The following LTBP2 variants were observed in gnomAD, a reference collection of about 807,000 sequenced individuals.
The protein encoded by LTBP2 is latent transforming growth factor beta binding protein 2.
In LTBP2, 103 loss-of-function variants were observed where a neutral mutation model predicts 210.6. The observed-to-expected ratio is 0.49, with a 90% confidence interval of 0.42 to 0.58. The LOEUF is 0.58. LTBP2 is among the 20% of genes least tolerant of loss of function. The probability of loss-of-function intolerance (pLI) is 0.00; values close to 1 mark genes in which losing one functional copy is unlikely to be tolerated. For synonymous variants in LTBP2, 1,007 were observed against 1,015.0 expected, an observed-to-expected ratio of 0.99 and a Z score of 0.15; for missense variants, 2,313 against 2,494.5, an observed-to-expected ratio of 0.93 and a Z score of 1.55.
chr14:74,588,111 C>T (rs1232575384), intron 2 of LTBP2, among the ~76,000 whole-genome samples: 1 of 152,228 alleles, frequency 6.6e-6, no homozygotes, highest in Non-Finnish European at 1.5e-5. Flanking sequence ...GGACACCCAC[C>T]TCTCAGCAGC....
rs1262663455 is a variant in LTBP2, at chr14:74,585,275, T to G, written c.830+579A>C. 2.0e-5 allele frequency among the ~76,000 whole-genome samples: 3 copies of G among 152,192 alleles called. No individual in the cohort carries two copies. The East Asian group carries it at 5.8e-4, about 29-fold the overall frequency. ...GCTGGGTGCCGAGGAAACCGAAGGG[T>G]CTTCTTCTGGCAGAGGAGTCCTTCC... On this transcript the variant is annotated intron_variant, in intron 3 of 35. Transcript: ENST00000261978.
At chr14:74,543,054 A>C (rs2087529910) in intron 8 of LTBP2, among the ~76,000 whole-genome samples, 1 of 151,552 alleles carries the variant, frequency 6.6e-6, no homozygotes, top group Non-Finnish European at 1.5e-5. Flanking sequence ...GGCGTGAGCC[A>C]CCGCTCCTGG....
intron 3 of LTBP2, among the ~76,000 whole-genome samples, chr14:74,578,889 CTT>C (rs1200413270): frequency 6.6e-6 from 1 of 152,194 alleles, no homozygotes; most frequent in Non-Finnish European, 1.5e-5. Flanking sequence ...GAGTTTTGCT[CTT>C]GTTGCCCAGG....
chr14:74,604,034 A>G (rs2088486603), intron 1 of LTBP2, among the ~76,000 whole-genome samples: 1 of 152,082 alleles, frequency 6.6e-6, no homozygotes, highest in Admixed American at 6.5e-5. Context: ...CAGTGATCCT[A>G]AAGCTAATAA....
chr14:74,530,803 C>T (rs988325949), intron 10 of LTBP2, among the ~76,000 whole-genome samples: 5 of 152,354 alleles, frequency 3.3e-5, no homozygotes, highest in Admixed American at 2.6e-4. Flanking sequence ...GTGAGAGGCA[C>T]GGGGCCCAGC....
Position 74,555,618 on chromosome 14 carries a change from C to A in LTBP2, c.906G>T (p.Pro302=). The A allele has an allele frequency of 1.2e-6, 2 of 1,608,954 alleles. No homozygotes were observed. Among genetic ancestry groups the A allele is most frequent in the Admixed American group, 3.4e-5 (2 of 59,688 alleles). The change falls in exon 4 of 36, where the codon CCG becomes CCT. Residue 302 remains proline, a synonymous_variant. Coordinates refer to ENST00000261978, the MANE Select transcript of LTBP2 (RefSeq NM_000428.3). ...VGLSRTVRLH[P]TATASSQLSS... ...AGAGCTGGCTACTGGCCGTGGCAGTCGGGTGAAGTCGGACAGTGCGGGACA... is the reference window on the plus strand; with the variant it reads ...AGAGCTGGCTACTGGCCGTGGCAGTAGGGTGAAGTCGGACAGTGCGGGACA...
chr14:74,527,571 G>T (rs948844288), intron 12 of LTBP2, among the ~76,000 whole-genome samples: 6 of 152,226 alleles, frequency 3.9e-5, no homozygotes, highest in African/African-American at 1.4e-4. Context: ...AGAACCCCAG[G>T]TCTGGAGGGC....
chr14:74,598,773 G>A (rs1595300868), intron 2 of LTBP2, among the ~76,000 whole-genome samples: 1 of 152,234 alleles, frequency 6.6e-6, no homozygotes, highest in Middle Eastern at 3.4e-3. Flanking sequence ...TTAAACCCAG[G>A]CAGTCCAGCA....
Position 74,585,990 on chromosome 14 carries a change from A to T in LTBP2, c.694T>A (p.Ser232Thr). 1.2e-6 allele frequency: 2 copies of T among 1,612,092 alleles called. No homozygotes were observed. The highest frequency in any genetic ancestry group is 1.7e-6 in the Non-Finnish European group (2 of 1,179,256). ...GCCCAGCGTCGAGGTGCCAGCCTGG[A>T]GTTCTGGGGGTCAAATTCCTCATCG... ...IPDEEFDPQN[S>T]RLAPRRWAER... The change falls in exon 3 of 36, where the codon TCC (serine) becomes ACC (threonine). Residue 232 changes from serine to threonine, a missense_variant. Physicochemically the swap from Ser to Thr is moderately conservative, Grantham distance 58 (BLOSUM62 1). Coordinates refer to ENST00000261978, the MANE Select transcript of LTBP2 (RefSeq NM_000428.3).
chr14:74,566,285 G>A (rs1168984699), intron 3 of LTBP2, among the ~76,000 whole-genome samples: 2 of 152,216 alleles, frequency 1.3e-5, no homozygotes, highest in African/African-American at 4.8e-5. Context: ...CAACGCTTAA[G>A]AGGCAGACAG....
At position 74,516,838 on chromosome 14, in the gene LTBP2, C is replaced by T. The variant is rs866826105; in HGVS notation, c.2892G>A (p.Arg964=). Residue 964 remains arginine, a synonymous_variant, in exon 18 of 36, where the codon AGG becomes AGA. Coordinates refer to ENST00000261978, the MANE Select transcript of LTBP2 (RefSeq NM_000428.3). ...CECDQGYIMV[R]KGHCQDINEC... ...GTTCCTTACCTTGGCAGTGTCCTTTCCTGACCATGATGTAGCCCTGATCAC... is the reference window on the plus strand; with the variant it reads ...GTTCCTTACCTTGGCAGTGTCCTTTTCTGACCATGATGTAGCCCTGATCAC... 9 of 1,551,756 alleles carry T rather than the reference C, an allele frequency of 5.8e-6. No individual in the cohort carries two copies. The African/African-American group carries it at 1.1e-4, about 19-fold the overall frequency.
At chr14:74,507,407 C>T in intron 25 of LTBP2, 97 bp from the exon 26 acceptor site, 1 of 1,547,192 alleles carries the variant, frequency 6.5e-7, no homozygotes, top group Non-Finnish European at 8.9e-7. Context: ...GGTTCTTGAT[C>T]TATTCCAAAT....
intron 19 of LTBP2, among the ~76,000 whole-genome samples, chr14:74,510,493 A>C (rs543646048): frequency 2.6e-5 from 4 of 152,372 alleles, no homozygotes; most frequent in Non-Finnish European, 4.4e-5. Flanking sequence ...GGTTTGGCTC[A>C]TCTGAGGATA....
chr14:74,560,233 C>A (rs1038279177), intron 3 of LTBP2, among the ~76,000 whole-genome samples: 2 of 152,102 alleles, frequency 1.3e-5, no homozygotes, highest in Non-Finnish European at 2.9e-5. Context: ...CATTTCAGAG[C>A]CAAAAAAGAA....
Position 74,590,718 on chromosome 14 carries a change from T to C in LTBP2, c.566-4600A>G, listed in dbSNP as rs186232839. ...TGGATGGAGCTGGAGGCCATTATTC[T>C]AAGTGAAGTAGCTCAGGAATGGAAA... On this transcript the variant is annotated intron_variant, in intron 2 of 35. Transcript: ENST00000261978. Among the ~76,000 whole-genome samples, 784 of 152,370 alleles carry C rather than the reference T, an allele frequency of 5.1e-3. 7 individuals are homozygous for C. The highest frequency in any genetic ancestry group is 8.0e-3 in the Non-Finnish European group (541 of 68,042).
chr14:74,507,118 C>A (rs1171106206), intron 26 of LTBP2, 61 bp downstream of exon 26: 1 of 1,612,804 alleles, frequency 6.2e-7, no homozygotes, highest in African/African-American at 1.3e-5. Flanking sequence ...ATGTCTCGCT[C>A]AATATGTGAA....
chr14:74,557,050 C>G (rs1169542842), intron 3 of LTBP2, among the ~76,000 whole-genome samples: 3 of 152,000 alleles, frequency 2.0e-5, no homozygotes, highest in Non-Finnish European at 4.4e-5. Flanking sequence ...TCACTTGAGG[C>G]CAGGAGTTCG....
intron 3 of LTBP2, among the ~76,000 whole-genome samples, chr14:74,574,834 T>A (rs113162660): frequency 1.3e-5 from 2 of 152,180 alleles, no homozygotes; most frequent in African/African-American, 4.8e-5. Context: ...TTGGGCCAGA[T>A]GTCCGCCTTC....
rs1362886488 is a variant in LTBP2 at position 74,549,875 on chromosome 14, G to A, written c.1777C>T (p.Pro593Ser). The part of the protein sequence containing the change: ...FWGVTLCAPC[P>S]PRPASPVIEN... ...CTCCAGCACTCACCTGGTCTGGGTG[G>A]GCATGGGGCACACAAAGTCACCCCC... The change falls in exon 8 of 36, where the codon CCA becomes TCA. Residue 593 changes from proline to serine, a missense_variant. Pro to Ser is a moderately conservative substitution (Grantham distance 74). Transcript: ENST00000261978. 2 of 1,613,760 alleles carry A rather than the reference G, an allele frequency of 1.2e-6. No homozygotes were observed. Among genetic ancestry groups the A allele is most frequent in the Non-Finnish European group, 1.7e-6 (2 of 1,179,704 alleles).
Sources: gnomAD v4.1 joint callset for allele counts (sites outside exome capture counted in the v4.1 genomes callset) on GRCh38, gnomAD v4.1.1 for gene constraint, MANE v1.5 for transcripts, NCBI Gene and HGNC (gene_info 2026-07-23, HGNC 2026-07-21) for gene names.